The following ALPK3 variants were observed in gnomAD, a reference collection of about 807,000 sequenced individuals.
ALPK3 encodes the protein alpha kinase 3.
A neutral mutation model predicts 140.0 loss-of-function variants in ALPK3; 102 were observed. That is an observed-to-expected ratio of 0.73 (90% confidence interval 0.62 to 0.86). The LOEUF is 0.86. Ranked by LOEUF, ALPK3 falls within the 40% of genes least tolerant of loss-of-function variation. The pLI is 0.00. For synonymous variants in ALPK3, 938 were observed against 898.5 expected, an observed-to-expected ratio of 1.04 and a Z score of -0.79; for missense variants, 2,254 against 2,208.2, an observed-to-expected ratio of 1.02 and a Z score of -0.42.
Position 84,868,802 on chromosome 15 carries a change from C to T in ALPK3, c.*346C>T, listed in dbSNP as rs1964034529. ...CTCTGCATGAGTTCTGCACCCCAAG[C>T]CCTTGCCCCAGCCCAGTCCAGCAGC... is the stretch of plus-strand genomic sequence containing the variant. On this transcript the variant is annotated 3_prime_UTR_variant, in exon 14 of 14. Transcript: ENST00000258888. 3.3e-6 allele frequency: 1 copy of T among 306,716 alleles called. No homozygotes were observed. The highest frequency in any genetic ancestry group is 6.2e-6 in the Non-Finnish European group (1 of 162,350). The allele number at this position is 306,716 out of a possible 1,614,324, so 19.0% of individuals were successfully genotyped here.
intron 5 of ALPK3, among the ~76,000 whole-genome samples, chr15:84,850,742 A>G (rs1963792142): frequency 6.6e-6 from 1 of 152,172 alleles, no homozygotes; most frequent in Admixed American, 6.5e-5. Context: ...AAAAGACAGC[A>G]TGGCAAATTA....
intron 4 of ALPK3, 83 bp downstream of exon 4, chr15:84,839,180 C>A: frequency 8.3e-7 from 1 of 1,201,346 alleles, no homozygotes; most frequent in Non-Finnish European, 1.2e-6. Context: ...ATGGAGCAGT[C>A]TGGATGGAGA....
In ALPK3 at chr15:84,839,796, A is replaced by T; in HGVS notation, c.517A>T (p.Thr173Ser). Residue 173 changes from threonine (T) to serine (S), a missense_variant, in exon 5 of 14, where the codon ACT becomes TCT. Physicochemically the swap from Thr to Ser is moderately conservative, Grantham distance 58. Around this residue, in one of 3 missense-constraint regions of ALPK3, gnomAD observed 2,088 missense variants for 2,022.9 expected, o/e 1.03. Coordinates refer to ENST00000258888, the MANE Select transcript of ALPK3 (RefSeq NM_020778.5). ...AGGGGTCCTGGAGGTGGGCACCATG[A>T]CTGAGTACAAGATCCACCAGCGCTG... Reference protein sequence around the residue: ...CSGVLEVGTMTEYKIHQRWFA... With the variant: ...CSGVLEVGTMSEYKIHQRWFA... The T allele has an allele frequency of 6.2e-7, 1 of 1,614,114 alleles. No homozygotes were observed. The highest frequency in any genetic ancestry group is 8.5e-7 in the Non-Finnish European group (1 of 1,180,014).
rs751177846 is a variant in ALPK3, at chr15:84,857,083, C to T, written c.2345C>T (p.Ala782Val). 1.1e-5 allele frequency: 18 copies of T among 1,614,090 alleles called. No individual in the cohort carries two copies. Among genetic ancestry groups the T allele is most frequent in the Non-Finnish European group, 1.5e-5 (18 of 1,180,036 alleles). ...AGATCTGAGGAGGCAGTAGTAACAGCCTCCAGGAACCATGAGCAAACTGTG... is the reference window on the plus strand; with the variant it reads ...AGATCTGAGGAGGCAGTAGTAACAGTCTCCAGGAACCATGAGCAAACTGTG... The part of the protein sequence containing the change: ...LPRSEEAVVT[A>V]SRNHEQTVLG... Residue 782 changes from alanine to valine, a missense_variant, in exon 6 of 14, where the codon GCC becomes GTC. Around this residue, in one of 3 missense-constraint regions of ALPK3, gnomAD observed 2,088 missense variants for 2,022.9 expected, o/e 1.03. Coordinates refer to ENST00000258888, the MANE Select transcript of ALPK3 (RefSeq NM_020778.5).
At chr15:84,847,208 G>GAGAGAGAGA (rs373039929) in intron 5 of ALPK3, among the ~76,000 whole-genome samples, 1,884 of 116,606 alleles carry the variant, frequency 0.016, 115 homozygotes, top group South Asian at 0.029. Flanking sequence ...GGAGAAACGG[G>GAGAGAGAGA]GAGAGAGAGA....
At chr15:84,865,307 G>T (rs748371932) in intron 12 of ALPK3, among the ~76,000 whole-genome samples, 1 of 152,102 alleles carries the variant, frequency 6.6e-6, no homozygotes, top group Non-Finnish European at 1.5e-5. Context: ...TCAGGGGAAG[G>T]AGAGGTTGCT....
At chr15:84,865,596 A>G (rs1202248753) in intron 12 of ALPK3, among the ~76,000 whole-genome samples, 1 of 152,362 alleles carries the variant, frequency 6.6e-6, no homozygotes, top group Middle Eastern at 3.4e-3. Flanking sequence ...TAGGAATGTC[A>G]TCGTCCTCAA....
chr15:84,849,030 T>C (rs1410488188), intron 5 of ALPK3, among the ~76,000 whole-genome samples: 1 of 151,986 alleles, frequency 6.6e-6, no homozygotes, highest in Non-Finnish European at 1.5e-5. Context: ...TAATCCCAGC[T>C]ACTTGGGAGG....
chr15:84,820,976 A>AC (rs35190917), intron 1 of ALPK3, among the ~76,000 whole-genome samples: 128,140 of 151,626 alleles, frequency 0.85, 54,551 homozygotes, highest in African/African-American at 0.95. Flanking sequence ...CTGAATTCCA[A>AC]CCCACCTCCA....
chr15:84,868,318 C>T lies in ALPK3; in HGVS notation c.4980C>T (p.Gly1660=), dbSNP rs1964025447. 6.2e-7 allele frequency: 1 copy of T among 1,614,020 alleles called. No homozygotes were observed. Among genetic ancestry groups the T allele is most frequent in the Non-Finnish European group, 8.5e-7 (1 of 1,180,006 alleles). ...SQLSPQPQKK[G]LPSPQGTRKS... ...TGAGTCCTCAGCCCCAGAAGAAAGGCCTCCCTAGTCCTCAGGGCACCCGGA... is the reference window on the plus strand; with the variant it reads ...TGAGTCCTCAGCCCCAGAAGAAAGGTCTCCCTAGTCCTCAGGGCACCCGGA... Residue 1660 remains glycine, a synonymous_variant, in exon 14 of 14, where the codon GGC becomes GGT. Transcript: ENST00000258888.
chr15:84,821,067 C>A (rs138962878), intron 1 of ALPK3, among the ~76,000 whole-genome samples: 1 of 152,198 alleles, frequency 6.6e-6, no homozygotes, highest in African/African-American at 2.4e-5. Context: ...CTCTTTAAAG[C>A]TTTTCTGCCC....
chr15:84,868,114 C>T lies in ALPK3; in HGVS notation c.4776C>T (p.Tyr1592=), dbSNP rs1028177957. 5.0e-6 allele frequency: 8 copies of T among 1,608,408 alleles called. No individual in the cohort carries two copies. The highest frequency in any genetic ancestry group is 1.1e-5 in the South Asian group (1 of 90,840). The stretch of plus-strand genomic sequence containing the variant: ...AGCTCTTCCTGTCTGGCTGCAGATA[C>T]CAGGGCCTCAAGGAAAGCTGCTTCC... ...DVQIATKLRG[Y]QGLKESCFPA... is the part of the protein sequence containing the mutation. The change falls in exon 14 of 14, where the codon TAC becomes TAT. Residue 1592 remains tyrosine (Y), a synonymous_variant. Transcript: ENST00000258888.
At chr15:84,847,455 A>G (rs1287183476) in intron 5 of ALPK3, among the ~76,000 whole-genome samples, 1 of 152,206 alleles carries the variant, frequency 6.6e-6, no homozygotes. Context: ...AGCCCATAGA[A>G]TTCCACATCC....
chr15:84,863,921 A>G (rs1963976655), intron 11 of ALPK3, among the ~76,000 whole-genome samples: 1 of 152,174 alleles, frequency 6.6e-6, no homozygotes, highest in African/African-American at 2.4e-5. Flanking sequence ...GGACACAGCA[A>G]TTTCTGGGAC....
At position 84,827,507 on chromosome 15, in the gene ALPK3, C is replaced by A. The variant is rs966823226; in HGVS notation, c.206C>A (p.Ala69Asp). 24 of 1,614,098 alleles carry A rather than the reference C, an allele frequency of 1.5e-5. No individual in the cohort carries two copies. The highest frequency in any genetic ancestry group is 2.0e-5 in the Non-Finnish European group (24 of 1,180,048). The change falls in exon 3 of 14, where the codon GCT (alanine) becomes GAT (aspartate). Residue 69 changes from alanine (A) to aspartate (D), a missense_variant. By Grantham distance (126) the Ala-to-Asp change is moderately radical. Coordinates refer to ENST00000258888, the MANE Select transcript of ALPK3 (RefSeq NM_020778.5). ...SGRSTFCSII[A>D]QLTEETQPLF... ...AGGAGCACCTTCTGCTCCATCATTGCTCAGCTCACAGAGGAGACCCAGCCG... is the reference window on the plus strand; with the variant it reads ...AGGAGCACCTTCTGCTCCATCATTGATCAGCTCACAGAGGAGACCCAGCCG...
rs531324689 is a variant in ALPK3 at position 84,841,156 on chromosome 15, G to T, written c.1653+224G>T. Among the ~76,000 whole-genome samples the T allele has an allele frequency of 1.9e-4, 29 of 152,354 alleles. No individual in the cohort carries two copies. The East Asian group carries it at 3.7e-3, about 19-fold the overall frequency. On this transcript the variant is annotated intron_variant, in intron 5 of 13. Transcript: ENST00000258888. ...CAGCCTGACTGTGACCCTCTTCTGG[G>T]AGTGTAGGAGTTCACAGCCAAGGGG...
At position 84,864,517 on chromosome 15, in the gene ALPK3, G is replaced by A; in HGVS notation, c.4575G>A (p.Lys1525=). Residue 1525 remains lysine, a synonymous_variant, in exon 12 of 14, where the codon AAG becomes AAA. Transcript: ENST00000258888. ...PYATLEEDLG[K]PLESYCSREW... The stretch of plus-strand genomic sequence containing the variant: ...CTACCCTGGAGGAAGACCTGGGCAA[G>A]CCCCTGGAGTCTTACTGTTCTCGGG... The A allele has an allele frequency of 1.2e-6, 2 of 1,614,212 alleles. No homozygotes were observed. Among genetic ancestry groups the A allele is most frequent in the South Asian group, 2.2e-5 (2 of 91,076 alleles).
At chr15:84,830,867 T>TTGTG (rs71453269) in intron 3 of ALPK3, among the ~76,000 whole-genome samples, 1,907 of 151,406 alleles carry the variant, frequency 0.013, 21 homozygotes, top group South Asian at 0.037. Context: ...CCAACTTATT[T>TTGTG]TGTGTGTGTG....
At position 84,862,841 on chromosome 15, in the gene ALPK3, G is replaced by C. The variant is rs1963963607; in HGVS notation, c.4336G>C (p.Val1446Leu). The C allele has an allele frequency of 1.2e-6, 2 of 1,614,140 alleles. No homozygotes were observed. Among genetic ancestry groups the C allele is most frequent in the Non-Finnish European group, 1.7e-6 (2 of 1,180,026 alleles). Residue 1446 changes from valine (V) to leucine (L), a missense_variant, in exon 10 of 14, where the codon GTG (valine) becomes CTG (leucine). By Grantham distance (32) the Val-to-Leu change is conservative. Coordinates refer to ENST00000258888, the MANE Select transcript of ALPK3 (RefSeq NM_020778.5). ...GTCGGGCCGCACGTGCATCATCAAG[G>C]TGTCCAGCCTGCTTGTGTTTGGGCC... ...FESGRTCIIK[V>L]SSLLVFGPSS...
Sources: allele counts gnomAD v4.1 joint callset (sites outside exome capture counted in the v4.1 genomes callset), GRCh38; gene constraint gnomAD v4.1.1; regional missense constraint gnomAD v4.1.1; transcripts MANE v1.5; gene names NCBI Gene and HGNC (gene_info 2026-07-23, HGNC 2026-07-21).